OPCML: variants seen among roughly 807,000 people sequenced by gnomAD.
OPCML encodes opioid-binding protein/cell adhesion molecule.
In OPCML, 13 loss-of-function variants were observed where a neutral mutation model predicts 37.8. The ratio of observed to expected loss-of-function variants is 0.34; its 90% CI spans 0.22 to 0.55. The LOEUF (loss-of-function observed/expected upper bound fraction) is 0.55, where lower values mean the gene tolerates loss of function less well. OPCML is among the 20% of genes least tolerant of loss of function. The pLI is 0.91. For missense variants in OPCML, 341 were observed against 435.6 expected, an observed-to-expected ratio of 0.78 and a Z score of 1.93; for synonymous variants, 176 against 168.8, an observed-to-expected ratio of 1.04 and a Z score of -0.33.
chr11:132,920,445 A>AAAG (rs1944752390), intron 2 of OPCML, among the ~76,000 whole-genome samples: 1 of 152,204 alleles, frequency 6.6e-6, no homozygotes, highest in Non-Finnish European at 1.5e-5. Context: ...GGAGAGGGCA[A>AAAG]AAGAGCATGT....
At chr11:133,218,202 GT>G (rs1299176538) in intron 1 of OPCML, among the ~76,000 whole-genome samples, 1 of 152,112 alleles carries the variant, frequency 6.6e-6, no homozygotes, top group Non-Finnish European at 1.5e-5. Flanking sequence ...CAGGCTTGGT[GT>G]AATCCAAATT....
At chr11:132,968,322 G>T (rs1265000863) in intron 1 of OPCML, among the ~76,000 whole-genome samples, 1 of 152,148 alleles carries the variant, frequency 6.6e-6, no homozygotes, top group African/African-American at 2.4e-5. Flanking sequence ...AGTTCTGGAG[G>T]CTGGAAAGTC....
chr11:132,770,938 C>A (rs1052318321), intron 2 of OPCML, among the ~76,000 whole-genome samples: 7 of 152,260 alleles, frequency 4.6e-5, no homozygotes, highest in African/African-American at 9.6e-5. Context: ...TATGGTCTGG[C>A]CTTGACCCTT....
At chr11:132,696,496 T>C (rs1418885936) in intron 2 of OPCML, among the ~76,000 whole-genome samples, 1 of 152,164 alleles carries the variant, frequency 6.6e-6, no homozygotes, top group Admixed American at 6.5e-5. Context: ...TTTAAGATGA[T>C]ACTATACCAA....
intron 1 of OPCML, among the ~76,000 whole-genome samples, chr11:133,267,235 G>T (rs150006431): frequency 6.6e-6 from 1 of 152,102 alleles, no homozygotes; most frequent in Non-Finnish European, 1.5e-5. Context: ...GTCTCTGAGC[G>T]TCACACTTAG....
intron 1 of OPCML, among the ~76,000 whole-genome samples, chr11:133,126,940 A>G (rs1250341749): frequency 1.3e-5 from 2 of 152,158 alleles, no homozygotes; most frequent in Admixed American, 6.5e-5. Context: ...GTTCTTTTTA[A>G]TTCAGCATTC....
At chr11:133,220,507 C>T (rs1158784873) in intron 1 of OPCML, among the ~76,000 whole-genome samples, 1 of 152,122 alleles carries the variant, frequency 6.6e-6, no homozygotes, top group African/African-American at 2.4e-5. Flanking sequence ...CCTGGGGAGT[C>T]AGAGGTCAGA....
chr11:132,743,634 A>G (rs952867496), intron 2 of OPCML, among the ~76,000 whole-genome samples: 22 of 152,222 alleles, frequency 1.4e-4, no homozygotes, highest in Non-Finnish European at 2.8e-4. Context: ...AATCCAAAGG[A>G]AAAGCCAAAC....
chr11:133,248,733 T>C (rs992950593), intron 1 of OPCML, among the ~76,000 whole-genome samples: 1 of 152,080 alleles, frequency 6.6e-6, no homozygotes, highest in Non-Finnish European at 1.5e-5. Flanking sequence ...GAAAAGGGCA[T>C]AATTAAAGGG....
chr11:133,293,402 G>C (rs181243152), intron 1 of OPCML, among the ~76,000 whole-genome samples: 78 of 152,294 alleles, frequency 5.1e-4, no homozygotes, highest in African/African-American at 1.8e-3. Flanking sequence ...CATGAGCCCT[G>C]AGGAAATGTG....
intron 1 of OPCML, among the ~76,000 whole-genome samples, chr11:133,480,813 G>A (rs747804245): frequency 1.3e-5 from 2 of 152,210 alleles, no homozygotes; most frequent in Non-Finnish European, 2.9e-5. Flanking sequence ...GTATTTTTAA[G>A]CCCAATGGCA....
At chr11:133,425,812 A>T (rs984190831) in intron 1 of OPCML, among the ~76,000 whole-genome samples, 2 of 152,156 alleles carry the variant, frequency 1.3e-5, no homozygotes, top group East Asian at 3.9e-4. Flanking sequence ...CATCTCCTTG[A>T]TTTAACTATT....
intron 3 of OPCML, among the ~76,000 whole-genome samples, chr11:132,642,476 T>C (rs1940907392): frequency 6.6e-6 from 1 of 152,180 alleles, no homozygotes; most frequent in Non-Finnish European, 1.5e-5. Context: ...GGAGGCACAG[T>C]TATTCCATTG....
intron 1 of OPCML, among the ~76,000 whole-genome samples, chr11:133,531,860 G>A (rs190023938): frequency 2.0e-5 from 3 of 152,216 alleles, no homozygotes; most frequent in African/African-American, 7.2e-5. Context: ...AGAGATAAGA[G>A]GGTGCCCCTT....
At position 132,547,993 on chromosome 11, in the gene OPCML, G is replaced by T. The variant is rs181171472; in HGVS notation, c.380-18807C>A. Among the ~76,000 whole-genome samples, 58 of 152,304 alleles carry T rather than the reference G, an allele frequency of 3.8e-4. 1 individual carries two copies. Among genetic ancestry groups the T allele is most frequent in the African/African-American group, 1.4e-3 (57 of 41,582 alleles). ...GGTGCCTACTGTGGTCCTTCTGAAG[G>T]TGATGAAAACTCATTATAGTTAGAC... On this transcript the variant is annotated intron_variant, in intron 3 of 7. Transcript: ENST00000524381.
intron 1 of OPCML, among the ~76,000 whole-genome samples, chr11:132,967,301 C>T (rs547230091): frequency 1.3e-5 from 2 of 152,028 alleles, no homozygotes; most frequent in South Asian, 2.1e-4. Flanking sequence ...AGCTTTATGC[C>T]CTTTTCCCAC....
At chr11:133,458,500 GTGTGTATATACACATATATACAC>G (rs1214553905) in intron 1 of OPCML, among the ~76,000 whole-genome samples, 2 of 123,464 alleles carry the variant, frequency 1.6e-5, no homozygotes, top group Non-Finnish European at 3.1e-5. Flanking sequence ...ATACACGTGT[GTGTGTATATACACATATATACAC>G]TGTGTGTGTA....
intron 2 of OPCML, among the ~76,000 whole-genome samples, chr11:132,890,646 A>G (rs1464458541): frequency 6.6e-6 from 1 of 151,280 alleles, no homozygotes; most frequent in Non-Finnish European, 1.5e-5. Context: ...GGAGATCGAG[A>G]CCATCCTGGC....
intron 1 of OPCML, among the ~76,000 whole-genome samples, chr11:133,284,788 C>T (rs1942253864): frequency 6.6e-6 from 1 of 151,894 alleles, no homozygotes; most frequent in East Asian, 1.9e-4. Flanking sequence ...ACACTCAGAG[C>T]CTCAGGTTCA....
Sources: allele counts gnomAD v4.1 joint callset (sites outside exome capture counted in the v4.1 genomes callset), GRCh38; gene constraint gnomAD v4.1.1; transcripts MANE v1.5; gene names NCBI Gene and HGNC (gene_info 2026-07-23, HGNC 2026-07-21).